NTM: variants seen among roughly 807,000 people sequenced by gnomAD.
NTM encodes neurotrimin.
A neutral mutation model predicts 42.1 loss-of-function variants in NTM; 13 were observed. The observed-to-expected ratio is 0.31, with a 90% CI of 0.20 to 0.49. NTM has a LOEUF of 0.49. NTM is among the 20% of genes least tolerant of loss of function. The pLI is 0.99. For synonymous variants in NTM, 187 were observed against 179.2 expected, an observed-to-expected ratio of 1.04 and a Z score of -0.35; for missense variants, 373 against 452.8, an observed-to-expected ratio of 0.82 and a Z score of 1.60.
intron 1 of NTM, among the ~76,000 whole-genome samples, chr11:131,819,582 C>A (rs1458017148): frequency 2.0e-5 from 3 of 152,198 alleles, no homozygotes; most frequent in Non-Finnish European, 4.4e-5. Context: ...AGGCTGTTGG[C>A]ACACCAGAGG....
chr11:132,212,237 C>T, intron 4 of NTM, 90 bp downstream of exon 4: 1 of 1,007,948 alleles, frequency 9.9e-7, no homozygotes, highest in South Asian at 1.5e-5. Flanking sequence ...GATACCTACT[C>T]CAGAGGAGTC....
At chr11:131,984,226 T>C (rs2065717567) in intron 2 of NTM, among the ~76,000 whole-genome samples, 1 of 152,226 alleles carries the variant, frequency 6.6e-6, no homozygotes, top group Admixed American at 6.5e-5. Context: ...TGGTGGTATT[T>C]ACTCCTTTTT....
chr11:131,549,602 GA>G (rs1172370758), intron 1 of NTM, among the ~76,000 whole-genome samples: 1 of 152,080 alleles, frequency 6.6e-6, no homozygotes, highest in African/African-American at 2.4e-5. Context: ...GTGCTCCAAG[GA>G]AGGGAACTAG....
At chr11:131,680,036 A>T (rs2072162925) in intron 1 of NTM, among the ~76,000 whole-genome samples, 1 of 152,192 alleles carries the variant, frequency 6.6e-6, no homozygotes, top group African/African-American at 2.4e-5. Flanking sequence ...GCAGATTTTT[A>T]TCGAGCTTCA....
chr11:131,957,907 G>C (rs186808081), intron 2 of NTM, among the ~76,000 whole-genome samples: 2 of 152,118 alleles, frequency 1.3e-5, no homozygotes, highest in East Asian at 3.9e-4. Flanking sequence ...TAATAGAGAG[G>C]CTTCCTTTGT....
At chr11:131,804,379 T>C (rs2092359292) in intron 1 of NTM, among the ~76,000 whole-genome samples, 1 of 152,192 alleles carries the variant, frequency 6.6e-6, no homozygotes, top group South Asian at 2.1e-4. Flanking sequence ...TGACGTCTGC[T>C]GTTTCCTGTG....
At chr11:131,615,432 C>G (rs1047449154) in intron 1 of NTM, among the ~76,000 whole-genome samples, 4 of 152,150 alleles carry the variant, frequency 2.6e-5, no homozygotes, top group African/African-American at 9.7e-5. Flanking sequence ...GTGGTGCAAT[C>G]TCGGTTCACT....
chr11:132,025,624 G>A (rs1480240652), intron 2 of NTM, among the ~76,000 whole-genome samples: 1 of 152,148 alleles, frequency 6.6e-6, no homozygotes, highest in East Asian at 1.9e-4. Context: ...ACTCCACTGT[G>A]ACTACCCACT....
At chr11:132,265,969 C>T (rs1484977211) in intron 4 of NTM, among the ~76,000 whole-genome samples, 2 of 152,104 alleles carry the variant, frequency 1.3e-5, no homozygotes, top group Admixed American at 1.3e-4. Flanking sequence ...GACACTTAAG[C>T]CAAAATCATG....
chr11:131,621,386 G>A (rs1441663120), intron 1 of NTM, among the ~76,000 whole-genome samples: 1 of 152,042 alleles, frequency 6.6e-6, no homozygotes, highest in African/African-American at 2.4e-5. Flanking sequence ...ATGTTCCTGG[G>A]GGCATCTCCG....
At chr11:131,925,089 C>T (rs2138326342) in intron 2 of NTM, among the ~76,000 whole-genome samples, 1 of 152,276 alleles carries the variant, frequency 6.6e-6, no homozygotes, top group South Asian at 2.1e-4. Context: ...ATGTGAAAAC[C>T]AGTGACAAGG....
chr11:131,996,807 G>A (rs982828169), intron 2 of NTM, among the ~76,000 whole-genome samples: 2 of 152,090 alleles, frequency 1.3e-5, no homozygotes, highest in Admixed American at 6.5e-5. Flanking sequence ...GGCTCCCTGG[G>A]AGTGTGTTTA....
chr11:131,859,633 G>A (rs61190158), intron 1 of NTM, among the ~76,000 whole-genome samples: 5,302 of 151,908 alleles, frequency 0.035, 274 homozygotes, highest in African/African-American at 0.12. Context: ...TTCTATAACC[G>A]CTCTTTCCCT....
At chr11:131,656,053 C>G (rs1448375880) in intron 1 of NTM, among the ~76,000 whole-genome samples, 1 of 152,176 alleles carries the variant, frequency 6.6e-6, no homozygotes, top group East Asian at 1.9e-4. Flanking sequence ...TCATTTCCCT[C>G]AAATCCACCA....
chr11:131,906,625 G>A (rs998764675), intron 1 of NTM, among the ~76,000 whole-genome samples: 1 of 152,086 alleles, frequency 6.6e-6, no homozygotes, highest in African/African-American at 2.4e-5. Flanking sequence ...CGCTGCGTCG[G>A]CACTTTGATT....
intron 1 of NTM, among the ~76,000 whole-genome samples, chr11:131,860,208 C>G (rs1352765875): frequency 6.6e-6 from 1 of 152,142 alleles, no homozygotes; most frequent in Non-Finnish European, 1.5e-5. Context: ...CTGACGGGGC[C>G]CCCATGACCA....
chr11:131,580,064 C>T (rs765217374), intron 1 of NTM, among the ~76,000 whole-genome samples: 2 of 152,058 alleles, frequency 1.3e-5, no homozygotes, highest in Non-Finnish European at 2.9e-5. Context: ...GGGAGGGCTG[C>T]GTGATGAGGT....
chr11:131,703,720 T>C (rs1048185308), intron 1 of NTM, among the ~76,000 whole-genome samples: 9 of 151,556 alleles, frequency 5.9e-5, no homozygotes, highest in Non-Finnish European at 1.2e-4. Context: ...TAAGAAGGAG[T>C]TTCACATTAC....
At position 131,774,310 on chromosome 11, in the gene NTM, C is replaced by T. The variant is rs141355049; in HGVS notation, c.83-137254C>T. Among the ~76,000 whole-genome samples, 561 of 152,278 alleles carry T rather than the reference C, an allele frequency of 3.7e-3. 5 individuals are homozygous for T. Among genetic ancestry groups the T allele is most frequent in the African/African-American group, 0.012 (510 of 41,554 alleles). Reference sequence around the variant, plus strand: ...GGGCTTCTCCATTTCTTCTTTGCTCCTCATGTCTGTCTTCCCCTTGGGGAA... The same window carrying T: ...GGGCTTCTCCATTTCTTCTTTGCTCTTCATGTCTGTCTTCCCCTTGGGGAA... On this transcript the variant is annotated intron_variant, in intron 1 of 8. Coordinates refer to ENST00000683400, the MANE Select transcript of NTM (RefSeq NM_001352005.2).
Sources: gnomAD v4.1 joint callset for allele counts (sites outside exome capture counted in the v4.1 genomes callset) on GRCh38, gnomAD v4.1.1 for gene constraint, MANE v1.5 for transcripts, NCBI Gene and HGNC (gene_info 2026-07-23, HGNC 2026-07-21) for gene names.